The following CLEC6A variants were observed in gnomAD, a reference collection of about 807,000 sequenced individuals.
CLEC6A encodes the protein C-type lectin domain family 6 member A.
In CLEC6A, 22 loss-of-function variants were observed where a neutral mutation model predicts 25.7. The ratio of observed to expected loss-of-function variants is 0.85; its 90% CI spans 0.61 to 1.22. The LOEUF (loss-of-function observed/expected upper bound fraction) is 1.22, where lower values mean the gene tolerates loss of function less well. Among genes scored for constraint, CLEC6A ranks in the 50% most tolerant of loss-of-function variants. The pLI, the probability that CLEC6A is intolerant of heterozygous loss-of-function variation, is 0.00. For synonymous variants in CLEC6A, 92 were observed against 76.7 expected (o/e 1.20, Z -1.04); for missense variants, 240 against 236.8 (o/e 1.01, Z -0.09).
At chr12:8,476,068 A>T in intron 4 of CLEC6A, 57 bp from the exon 5 acceptor site, 4 of 1,129,636 alleles carry the variant, frequency 3.5e-6, no homozygotes, top group Non-Finnish European at 5.3e-6. Context: ...AGCAACCTTT[A>T]CTCTGTTCAA....
chr12:8,471,090 A>G (rs1939900655), intron 4 of CLEC6A, among the ~76,000 whole-genome samples: 1 of 152,014 alleles, frequency 6.6e-6, no homozygotes, highest in South Asian at 2.1e-4. Flanking sequence ...AATGTGGTTT[A>G]TTACATTGAT....
At chr12:8,456,347 G>A (rs1220345395) in intron 1 of CLEC6A, among the ~76,000 whole-genome samples, 6 of 152,118 alleles carry the variant, frequency 3.9e-5, no homozygotes, top group Non-Finnish European at 7.3e-5. Flanking sequence ...TTTTTTGGGA[G>A]GTTTGTACCA....
chr12:8,475,804 C>G (rs1156399003), intron 4 of CLEC6A, among the ~76,000 whole-genome samples: 1 of 151,934 alleles, frequency 6.6e-6, no homozygotes, highest in Admixed American at 6.6e-5. Flanking sequence ...ATAGAATTAG[C>G]CATTACACCA....
At chr12:8,468,345 C>G (rs1361283796) in intron 4 of CLEC6A, among the ~76,000 whole-genome samples, 1 of 152,180 alleles carries the variant, frequency 6.6e-6, no homozygotes, top group Non-Finnish European at 1.5e-5. Context: ...ATTTTGCATT[C>G]TGAAACTGCT....
rs1019680223 is a variant in CLEC6A at position 8,460,640 on chromosome 12, A to G, written c.223+942A>G. 4.8e-6 allele frequency: 7 copies of G among 1,467,560 alleles called. No individual in the cohort carries two copies. The Admixed American group carries it at 8.4e-5, about 18-fold the overall frequency. The allele number at this position is 1,467,560 out of a possible 1,614,324, so 90.9% of individuals were successfully genotyped here. On this transcript the variant is annotated intron_variant, in intron 3 of 5. Coordinates refer to ENST00000382073, the MANE Select transcript of CLEC6A (RefSeq NM_001007033.2). ...AAGATGGGTGCATACAAGTATATCC[A>G]GGAGCTATGGAGAAAGAAGCAGTCT...
Position 8,456,116 on chromosome 12 carries a change from T to C in CLEC6A, c.5T>C (p.Met2Thr). M[M>T]QEQQPQSTEK... ...TCAACACAGGGAGCCTGCATAATGA[T>C]GCAAGAGCAGCAACCTCAAAGTACA... The change falls in exon 1 of 6, where the codon ATG becomes ACG. Residue 2 changes from methionine (M) to threonine (T), a missense_variant. Transcript: ENST00000382073. The C allele has an allele frequency of 6.2e-7, 1 of 1,613,904 alleles. No individual in the cohort carries two copies.
chr12:8,470,421 C>T (rs1186173049), intron 4 of CLEC6A, among the ~76,000 whole-genome samples: 2 of 152,036 alleles, frequency 1.3e-5, no homozygotes, highest in African/African-American at 2.4e-5. Flanking sequence ...TCCAGCAATC[C>T]CACTACTGGG....
At chr12:8,463,818 C>G (rs1450981481) in intron 3 of CLEC6A, among the ~76,000 whole-genome samples, 5 of 152,184 alleles carry the variant, frequency 3.3e-5, no homozygotes, top group Non-Finnish European at 7.3e-5. Flanking sequence ...TTATTCTCAG[C>G]ATAAATTGAG....
intron 3 of CLEC6A, among the ~76,000 whole-genome samples, chr12:8,462,470 C>A (rs1368752861): frequency 2.1e-5 from 3 of 142,650 alleles, no homozygotes; most frequent in Non-Finnish European, 1.5e-5. Context: ...CGGTATAAAA[C>A]CCGATTGTAT....
At chr12:8,462,763 C>T (rs1207655553) in intron 3 of CLEC6A, among the ~76,000 whole-genome samples, 1 of 152,004 alleles carries the variant, frequency 6.6e-6, no homozygotes, top group East Asian at 1.9e-4. Flanking sequence ...CGGGATCCTC[C>T]ATATGCTGAA....
chr12:8,470,427 C>T (rs4284477), intron 4 of CLEC6A, among the ~76,000 whole-genome samples: 117,524 of 151,998 alleles, frequency 0.77, 45,888 homozygotes, highest in East Asian at 0.99. Context: ...AATCCCACTA[C>T]TGGGTATCTA....
intron 4 of CLEC6A, among the ~76,000 whole-genome samples, chr12:8,471,893 CA>C (rs1372920486): frequency 6.6e-6 from 1 of 152,106 alleles, no homozygotes; most frequent in Admixed American, 6.6e-5. Flanking sequence ...AATCTGCTGA[CA>C]GTTATAGGAG....
At chr12:8,475,342 G>C (rs200481793) in intron 4 of CLEC6A, among the ~76,000 whole-genome samples, 1 of 23,238 alleles carries the variant, frequency 4.3e-5, no homozygotes, top group Non-Finnish European at 1.6e-4. Context: ...ATATATATAT[G>C]TATGTGTGTG....
At chr12:8,470,426 A>C (rs1459253998) in intron 4 of CLEC6A, among the ~76,000 whole-genome samples, 1 of 152,152 alleles carries the variant, frequency 6.6e-6, no homozygotes, top group Non-Finnish European at 1.5e-5. Context: ...CAATCCCACT[A>C]CTGGGTATCT....
chr12:8,474,042 A>T (rs766163726), intron 4 of CLEC6A, among the ~76,000 whole-genome samples: 38 of 152,038 alleles, frequency 2.5e-4, no homozygotes, highest in Non-Finnish European at 4.9e-4. Context: ...TGCTCCATTG[A>T]TAGTTTCTTT....
chr12:8,458,372 C>A (rs1028327160), intron 2 of CLEC6A, among the ~76,000 whole-genome samples: 2 of 152,158 alleles, frequency 1.3e-5, no homozygotes, highest in African/African-American at 2.4e-5. Context: ...ATATTAGATT[C>A]TTTGATTCAT....
At chr12:8,477,083 G>A (rs965049409) in intron 5 of CLEC6A, among the ~76,000 whole-genome samples, 10 of 152,032 alleles carry the variant, frequency 6.6e-5, no homozygotes, top group South Asian at 4.1e-4. Flanking sequence ...TGATTGCAGC[G>A]GAAAGATCTA....
intron 4 of CLEC6A, among the ~76,000 whole-genome samples, chr12:8,466,119 G>T (rs766410881): frequency 4.9e-4 from 74 of 152,232 alleles, no homozygotes; most frequent in Non-Finnish European, 8.7e-4. Flanking sequence ...ACCAAAAGTA[G>T]TATATATTTA....
chr12:8,459,784 C>A, intron 3 of CLEC6A, 86 bp downstream of exon 3: 1 of 839,014 alleles, frequency 1.2e-6, no homozygotes, highest in Admixed American at 1.9e-5. Flanking sequence ...TTCTATTGTG[C>A]ATTTGTGTGT....
Sources: gnomAD v4.1 joint callset for allele counts (sites outside exome capture counted in the v4.1 genomes callset) on GRCh38, gnomAD v4.1.1 for gene constraint, MANE v1.5 for transcripts, NCBI Gene and HGNC (gene_info 2026-07-23, HGNC 2026-07-21) for gene names.